The following TAFA4 variants were observed in gnomAD, a reference collection of about 807,000 sequenced individuals.
TAFA4 encodes the protein TAFA chemokine like family member 4.
A neutral mutation model predicts 21.1 loss-of-function variants in TAFA4; 20 were observed. The ratio of observed to expected loss-of-function variants is 0.95; its 90% CI spans 0.67 to 1.38. The LOEUF is 1.38. Among genes scored for constraint, TAFA4 ranks in the 40% most tolerant of loss-of-function variants. TAFA4 has a pLI of 0.00. For synonymous variants in TAFA4, 71 were observed against 67.4 expected, an observed-to-expected ratio of 1.05 and a Z score of -0.26; for missense variants, 211 against 180.9, an observed-to-expected ratio of 1.17 and a Z score of -0.95.
intron 3 of TAFA4, among the ~76,000 whole-genome samples, chr3:68,817,772 G>C (rs1259396110): frequency 6.6e-6 from 1 of 151,806 alleles, no homozygotes; most frequent in African/African-American, 2.4e-5. Flanking sequence ...TTTTTTTTCT[G>C]GGCAGTAGTT....
chr3:68,817,275 G>A (rs767428693), intron 3 of TAFA4, among the ~76,000 whole-genome samples: 14 of 152,096 alleles, frequency 9.2e-5, no homozygotes, highest in African/African-American at 2.9e-4. Flanking sequence ...CCCCTCATCC[G>A]CTAATTTTAT....
chr3:68,930,196 A>C (rs1235446359), intron 1 of TAFA4, among the ~76,000 whole-genome samples: 1 of 152,210 alleles, frequency 6.6e-6, no homozygotes, highest in Admixed American at 6.5e-5. Context: ...GTCTAAAAAG[A>C]TCAGAAAATG....
intron 3 of TAFA4, among the ~76,000 whole-genome samples, chr3:68,824,411 G>A (rs745569228): frequency 2.0e-5 from 3 of 151,956 alleles, no homozygotes; most frequent in Non-Finnish European, 2.9e-5. Context: ...CTGTTCCATC[G>A]TAAAAGTACA....
At chr3:68,914,052 T>C (rs1306601889) in intron 1 of TAFA4, among the ~76,000 whole-genome samples, 1 of 152,120 alleles carries the variant, frequency 6.6e-6, no homozygotes, top group Non-Finnish European at 1.5e-5. Context: ...CAAAAATGAG[T>C]GCTTACATCT....
intron 1 of TAFA4, among the ~76,000 whole-genome samples, chr3:68,898,581 G>A (rs1347612821): frequency 6.6e-6 from 1 of 152,244 alleles, no homozygotes; most frequent in Admixed American, 6.5e-5. Context: ...GGGAGGCAGA[G>A]GTTGCAGTGA....
rs374053185 is a variant in TAFA4 at position 68,755,103 on chromosome 3, T to G, written c.131-2085A>C. ...TCAAGGAAGTATGTGCGCAGGTACATCGACATCTCCGATTCCAATCTAGCA... is the reference window on the plus strand; with the variant it reads ...TCAAGGAAGTATGTGCGCAGGTACAGCGACATCTCCGATTCCAATCTAGCA... On this transcript the variant is annotated intron_variant, in intron 3 of 5. Coordinates refer to ENST00000295569, the MANE Select transcript of TAFA4 (RefSeq NM_182522.5). Among the ~76,000 whole-genome samples, 112 of 152,284 alleles carry G rather than the reference T, an allele frequency of 7.4e-4. 1 individual carries two copies. Among genetic ancestry groups the G allele is most frequent in the African/African-American group, 2.5e-3 (104 of 41,560 alleles).
intron 3 of TAFA4, among the ~76,000 whole-genome samples, chr3:68,767,556 A>C (rs1432638169): frequency 6.6e-6 from 1 of 152,144 alleles, no homozygotes; most frequent in Non-Finnish European, 1.5e-5. Context: ...CAATGTATAT[A>C]TATTGATTAG....
chr3:68,875,040 C>T (rs181196326), intron 3 of TAFA4, among the ~76,000 whole-genome samples: 109 of 152,176 alleles, frequency 7.2e-4, no homozygotes, highest in African/African-American at 2.6e-3. Context: ...AAGCTTTTAG[C>T]ATTCAAAAAG....
chr3:68,812,062 T>C (rs915926202), intron 3 of TAFA4, among the ~76,000 whole-genome samples: 1 of 152,290 alleles, frequency 6.6e-6, no homozygotes, highest in East Asian at 1.9e-4. Flanking sequence ...GAATTTCATA[T>C]CCAGCCAAAC....
At chr3:68,768,201 A>G (rs1348854131) in intron 3 of TAFA4, among the ~76,000 whole-genome samples, 4 of 152,194 alleles carry the variant, frequency 2.6e-5, no homozygotes, top group African/African-American at 9.6e-5. Context: ...AATATTTGCA[A>G]ACCATACATC....
At chr3:68,770,332 C>G (rs1702929450) in intron 3 of TAFA4, among the ~76,000 whole-genome samples, 1 of 152,130 alleles carries the variant, frequency 6.6e-6, no homozygotes, top group Non-Finnish European at 1.5e-5. Flanking sequence ...TTTGTGACAG[C>G]TCAGGACAGG....
chr3:68,782,687 G>C (rs1703174862), intron 3 of TAFA4, among the ~76,000 whole-genome samples: 1 of 152,110 alleles, frequency 6.6e-6, no homozygotes, highest in African/African-American at 2.4e-5. Flanking sequence ...AAATGACCAA[G>C]ACAGGCAAAT....
chr3:68,930,270 A>G (rs1467553041), intron 1 of TAFA4, among the ~76,000 whole-genome samples: 1 of 152,242 alleles, frequency 6.6e-6, no homozygotes, highest in Non-Finnish European at 1.5e-5. Context: ...GTTGCCTTCA[A>G]TGAAAAATAT....
intron 1 of TAFA4, among the ~76,000 whole-genome samples, chr3:68,926,868 G>A (rs1559565867): frequency 6.6e-6 from 1 of 152,084 alleles, no homozygotes; most frequent in Non-Finnish European, 1.5e-5. Flanking sequence ...CCAAGATTCC[G>A]CCATTGCACT....
intron 3 of TAFA4, among the ~76,000 whole-genome samples, chr3:68,775,164 T>C (rs187904864): frequency 1.3e-5 from 2 of 152,200 alleles, no homozygotes; most frequent in Non-Finnish European, 2.9e-5. Flanking sequence ...AAAGCCCTTA[T>C]GTGAGCTGGG....
At chr3:68,838,566 C>T (rs924328416) in intron 3 of TAFA4, among the ~76,000 whole-genome samples, 1 of 152,176 alleles carries the variant, frequency 6.6e-6, no homozygotes, top group Non-Finnish European at 1.5e-5. Context: ...GGTCAGCAGA[C>T]ATTTTCTGTG....
intron 3 of TAFA4, among the ~76,000 whole-genome samples, chr3:68,825,799 G>T (rs1704214873): frequency 6.6e-6 from 1 of 152,146 alleles, no homozygotes; most frequent in South Asian, 2.1e-4. Flanking sequence ...GCTCCATCTT[G>T]GATTCTATTG....
intron 3 of TAFA4, among the ~76,000 whole-genome samples, chr3:68,766,815 T>G (rs1174901399): frequency 1.3e-5 from 2 of 152,100 alleles, no homozygotes; most frequent in East Asian, 1.9e-4. Context: ...TCAAATTTTT[T>G]GGGATAACAA....
At chr3:68,920,116 G>T (rs994949477) in intron 1 of TAFA4, among the ~76,000 whole-genome samples, 5 of 152,170 alleles carry the variant, frequency 3.3e-5, no homozygotes, top group African/African-American at 1.2e-4. Context: ...CATCTGTAGG[G>T]AAACAGCTAA....
Sources: gnomAD v4.1 joint callset for allele counts (sites outside exome capture counted in the v4.1 genomes callset) on GRCh38, gnomAD v4.1.1 for gene constraint, MANE v1.5 for transcripts, NCBI Gene and HGNC (gene_info 2026-07-23, HGNC 2026-07-21) for gene names.